Variants in IMPG1 observed in about 807,000 individuals in gnomAD.
The protein encoded by IMPG1 is interphotoreceptor matrix proteoglycan 1, also known as interphotoreceptor matrix proteoglycan of 150 kDa.
Under a neutral mutation model 92.0 loss-of-function variants are expected in IMPG1, and 85 were observed. The ratio of observed to expected loss-of-function variants is 0.92; its 90% confidence interval spans 0.78 to 1.11. The LOEUF (loss-of-function observed/expected upper bound fraction) is 1.11. Among genes scored for constraint, IMPG1 ranks in the 50% least tolerant of loss-of-function variants. The probability of loss-of-function intolerance (pLI) is 0.00; values close to 1 mark genes in which losing one functional copy is unlikely to be tolerated. For synonymous variants in IMPG1, 367 were observed against 334.1 expected, an observed-to-expected ratio of 1.10 and a Z score of -1.08; for missense variants, 1,022 against 956.0, an observed-to-expected ratio of 1.07 and a Z score of -0.91.
At position 75,931,098 on chromosome 6, in the gene IMPG1, C is replaced by T; in HGVS notation, c.2098G>A (p.Val700Ile). 6.2e-7 allele frequency: 1 copy of T among 1,614,150 alleles called. No individual in the cohort carries two copies. Among genetic ancestry groups the T allele is most frequent in the Non-Finnish European group, 8.5e-7 (1 of 1,180,032 alleles). Residue 700 changes from valine to isoleucine, a missense_variant, in exon 15 of 17, where the codon GTA (valine) becomes ATA (isoleucine). Around this residue, in one of 3 missense-constraint regions of IMPG1, gnomAD observed 332 missense variants for 346.2 expected, o/e 0.96. Coordinates refer to ENST00000369950, the MANE Select transcript of IMPG1 (RefSeq NM_001563.4). ...FLACGEFAQCVKNERTEEAEC... is the reference protein window; with the variant it reads ...FLACGEFAQCIKNERTEEAEC... ...GCTTCCTCAGTCCGTTCGTTCTTTA[C>T]ACATTGGGCAAATTCGCCGCAGGCC...
chr6:76,009,861 C>T (rs1037161050), intron 8 of IMPG1, among the ~76,000 whole-genome samples: 5 of 152,190 alleles, frequency 3.3e-5, no homozygotes, highest in African/African-American at 1.2e-4. Context: ...ACCAAAACAA[C>T]TGTTCCCATC....
chr6:76,026,088 C>T (rs1026797701), intron 4 of IMPG1, among the ~76,000 whole-genome samples: 14 of 151,116 alleles, frequency 9.3e-5, no homozygotes, highest in Non-Finnish European at 1.3e-4. Flanking sequence ...AAGCTGCATG[C>T]GGGAAGCACT....
chr6:75,938,810 T>TCAAAACAAAACAAAACAAAACAAAA (rs71002780), intron 14 of IMPG1, among the ~76,000 whole-genome samples: 1 of 146,986 alleles, frequency 6.8e-6, no homozygotes, highest in South Asian at 2.2e-4. Context: ...AGGCTCCATC[T>TCAAAACAAAACAAAACAAAACAAAA]CAAAACAAAA....
At chr6:76,021,470 A>G (rs139178727) in intron 6 of IMPG1, among the ~76,000 whole-genome samples, 1 of 152,056 alleles carries the variant, frequency 6.6e-6, no homozygotes, top group African/African-American at 2.4e-5. Flanking sequence ...ACAGAGTTCG[A>G]CAATTTGTCG....
Position 75,975,815 on chromosome 6 carries a change from T to C in IMPG1, c.1292-24721A>G, listed in dbSNP as rs76826138. On this transcript the variant is annotated intron_variant, in intron 12 of 16. Transcript: ENST00000369950. ...GCTCTCTATTGCAACTACTCAACTA[T>C]GCTGCTGTAGCTCTGAAGTAGCCAT... 1.3e-4 allele frequency among the ~76,000 whole-genome samples: 20 copies of C among 152,360 alleles called. No individual in the cohort carries two copies. In the East Asian group the frequency reaches 3.9e-3, roughly 29 times the overall value.
At chr6:76,020,769 G>A in intron 6 of IMPG1, among the ~76,000 whole-genome samples, 1 of 152,138 alleles carries the variant, frequency 6.6e-6, no homozygotes, top group Non-Finnish European at 1.5e-5. Flanking sequence ...GGTTTGGGGA[G>A]TCATGCCCTA....
chr6:76,059,615 T>C (rs1233971166), intron 1 of IMPG1, among the ~76,000 whole-genome samples: 2 of 152,088 alleles, frequency 1.3e-5, no homozygotes. Flanking sequence ...CATATTATAG[T>C]GGACTGATTA....
At chr6:75,991,853 T>C (rs1271269109) in intron 12 of IMPG1, among the ~76,000 whole-genome samples, 1 of 152,240 alleles carries the variant, frequency 6.6e-6, no homozygotes, top group Non-Finnish European at 1.5e-5. Context: ...TCTTTGCATA[T>C]ATGGTACTGA....
chr6:75,988,652 G>C (rs541277277), intron 12 of IMPG1, among the ~76,000 whole-genome samples: 1 of 152,354 alleles, frequency 6.6e-6, no homozygotes, highest in South Asian at 2.1e-4. Context: ...CACAATAGCA[G>C]TCTGGCTTTG....
intron 12 of IMPG1, among the ~76,000 whole-genome samples, chr6:75,964,452 G>T (rs1383581829): frequency 6.6e-6 from 1 of 152,090 alleles, no homozygotes; most frequent in Non-Finnish European, 1.5e-5. Flanking sequence ...GCAGGGGCAG[G>T]CAGATCTTGA....
At chr6:75,977,143 A>T in intron 12 of IMPG1, among the ~76,000 whole-genome samples, 1 of 152,328 alleles carries the variant, frequency 6.6e-6, no homozygotes, top group East Asian at 1.9e-4. Context: ...TAGCTAGGAC[A>T]TCTGTGATAA....
chr6:75,999,607 G>A (rs116955222), intron 12 of IMPG1, among the ~76,000 whole-genome samples: 2,868 of 152,126 alleles, frequency 0.019, 45 homozygotes, highest in Non-Finnish European at 0.03. Context: ...ATGTATAACT[G>A]TCTTTTTATC....
chr6:76,042,300 A>C (rs1482947281), intron 1 of IMPG1, among the ~76,000 whole-genome samples, 174 bp from the exon 2 acceptor site: 1 of 152,176 alleles, frequency 6.6e-6, no homozygotes, highest in Non-Finnish European at 1.5e-5. Context: ...TTTCAGAAAT[A>C]AGAGAATAGT....
intron 2 of IMPG1, among the ~76,000 whole-genome samples, chr6:76,037,492 G>A (rs1448005265): frequency 1.3e-5 from 2 of 152,144 alleles, no homozygotes; most frequent in East Asian, 3.8e-4. Flanking sequence ...GCCAGGCAAG[G>A]ATCAAGAAGT....
At position 76,027,864 on chromosome 6, in the gene IMPG1, TA is replaced by T. The variant is rs1322664544; in HGVS notation, c.498-2607del. On this transcript the variant is annotated intron_variant, in intron 4 of 16. Coordinates refer to ENST00000369950, the MANE Select transcript of IMPG1 (RefSeq NM_001563.4). Reference sequence around the variant, plus strand: ...GGCTATCTGGAATTATGTTTCATAATATCAAGTGCTTTAGACATATTTAAAA... The same window carrying T: ...GGCTATCTGGAATTATGTTTCATAATTCAAGTGCTTTAGACATATTTAAAA... 1.7e-4 allele frequency among the ~76,000 whole-genome samples: 26 copies of T among 152,368 alleles called. No homozygotes were observed. In the Middle Eastern group the frequency reaches 0.017, roughly 100 times the overall value.
chr6:75,923,597 T>G (rs1415197774), intron 16 of IMPG1, 37 bp downstream of exon 16: 1 of 967,234 alleles, frequency 1.0e-6, no homozygotes, highest in Non-Finnish European at 1.7e-6. Flanking sequence ...AAAGTCAAGT[T>G]TAGTAATTGC....
At chr6:75,959,612 C>A (rs750494558) in intron 12 of IMPG1, among the ~76,000 whole-genome samples, 2 of 152,132 alleles carry the variant, frequency 1.3e-5, no homozygotes, top group Non-Finnish European at 2.9e-5. Flanking sequence ...AGCAGCTTTG[C>A]CAAGCTGCAG....
intron 12 of IMPG1, among the ~76,000 whole-genome samples, chr6:75,999,732 A>T (rs1300602386): frequency 6.6e-6 from 1 of 152,124 alleles, no homozygotes; most frequent in African/African-American, 2.4e-5. Flanking sequence ...GAATATTTGC[A>T]CTCTAGGTCC....
At chr6:75,925,512 G>A (rs1451521725) in intron 15 of IMPG1, among the ~76,000 whole-genome samples, 1 of 152,118 alleles carries the variant, frequency 6.6e-6, no homozygotes, top group Non-Finnish European at 1.5e-5. Context: ...AGGCAGAGGA[G>A]AGAGGAGGAA....
Sources: gnomAD v4.1 joint callset for allele counts (sites outside exome capture counted in the v4.1 genomes callset) on GRCh38, gnomAD v4.1.1 for gene constraint, gnomAD v4.1.1 regional missense constraint, MANE v1.5 for transcripts, NCBI Gene and HGNC (gene_info 2026-07-23, HGNC 2026-07-21) for gene names.